The following FA2H variants were observed in gnomAD, a reference collection of about 807,000 sequenced individuals.
FA2H encodes the protein fatty acid alpha-hydroxylase.
A neutral mutation model predicts 44.9 loss-of-function variants in FA2H; 22 were observed. The ratio of observed to expected loss-of-function variants is 0.49; its 90% CI spans 0.35 to 0.70. The LOEUF (loss-of-function observed/expected upper bound fraction) is 0.70, where lower values mean the gene tolerates loss of function less well. Ranked by LOEUF, FA2H falls within the 30% of genes least tolerant of loss-of-function variation. The pLI, the probability that FA2H is intolerant of heterozygous loss-of-function variation, is 0.01. For synonymous variants in FA2H, 243 were observed against 213.2 expected, an observed-to-expected ratio of 1.14 and a Z score of -1.22; for missense variants, 501 against 504.9, an observed-to-expected ratio of 0.99 and a Z score of 0.07.
At chr16:74,763,533 CA>C (rs374311761) in intron 1 of FA2H, among the ~76,000 whole-genome samples, 134 of 152,342 alleles carry the variant, frequency 8.8e-4, no homozygotes, top group African/African-American at 2.9e-3. Flanking sequence ...GCCGGGATTA[CA>C]GGCGTGCGCC....
chr16:74,718,981 C>T lies in FA2H; in HGVS notation c.786+7G>A, dbSNP rs368669121. On this transcript the variant is annotated splice_region_variant and intron_variant, in intron 5 of 6. Coordinates refer to ENST00000219368, the MANE Select transcript of FA2H (RefSeq NM_024306.5). ...CTAGGTCCGGGCTGGGACCCCGCCC[C>T]GCTCACCTTGTGGTGCTGGCCGTGC... The T allele has an allele frequency of 6.5e-5, 105 of 1,613,220 alleles. No individual in the cohort carries two copies. In the South Asian group the frequency reaches 6.7e-4, roughly 10 times the overall value.
intron 5 of FA2H, among the ~76,000 whole-genome samples, 162 bp downstream of exon 5, chr16:74,718,826 G>A (rs902862903): frequency 5.9e-5 from 9 of 152,306 alleles, no homozygotes; most frequent in South Asian, 2.1e-4. Context: ...CTTAGGTTCG[G>A]ATGCCCAACC....
In FA2H at chr16:74,718,351, G is replaced by A. The variant is rs556067560; in HGVS notation, c.786+637C>T. ...ATGGGCCAAGGACAGCACAATGCAG[G>A]GACAGAGAAGCAGCGGGGGGTACAG... On this transcript the variant is annotated intron_variant, in intron 5 of 6. Coordinates refer to ENST00000219368, the MANE Select transcript of FA2H (RefSeq NM_024306.5). 1.4e-4 allele frequency among the ~76,000 whole-genome samples: 22 copies of A among 152,318 alleles called. No individual in the cohort carries two copies. In the East Asian group the frequency reaches 4.0e-3, roughly 28 times the overall value.
intron 4 of FA2H, among the ~76,000 whole-genome samples, chr16:74,721,575 G>T (rs1462384978): frequency 6.6e-6 from 1 of 152,176 alleles, no homozygotes; most frequent in African/African-American, 2.4e-5. Flanking sequence ...CCAAGCTGCT[G>T]AGCATGGAGA....
intron 1 of FA2H, among the ~76,000 whole-genome samples, chr16:74,765,134 A>T (rs1423630072): frequency 6.6e-6 from 1 of 151,174 alleles, no homozygotes; most frequent in Non-Finnish European, 1.5e-5. Flanking sequence ...TTTTAACAAG[A>T]CACAGAAAAG....
rs373971482 is a variant in FA2H, at chr16:74,735,463, C to T, written c.363+4560G>A. Among the ~76,000 whole-genome samples, 10 of 152,292 alleles carry T rather than the reference C, an allele frequency of 6.6e-5. No individual in the cohort carries two copies. In the South Asian group the frequency reaches 1.5e-3, roughly 22 times the overall value. ...GGGAGGTGGCCTCAGGCTCACCCCA[C>T]GAGGATTCAGGCAGCGGAGAGTGGA... On this transcript the variant is annotated intron_variant, in intron 2 of 6. Transcript: ENST00000219368.
intron 1 of FA2H, among the ~76,000 whole-genome samples, chr16:74,764,278 T>C (rs1429211479): frequency 4.6e-5 from 7 of 152,196 alleles, no homozygotes; most frequent in South Asian, 2.1e-4. Context: ...TGTATGTTCA[T>C]TGCAGCACTG....
chr16:74,718,143 G>A (rs778293305), intron 5 of FA2H, among the ~76,000 whole-genome samples: 5 of 152,166 alleles, frequency 3.3e-5, no homozygotes, highest in Admixed American at 1.3e-4. Context: ...ATCAAACCCC[G>A]AATCGGCTCA....
chr16:74,720,033 C>T (rs1476926623), intron 4 of FA2H, among the ~76,000 whole-genome samples: 1 of 152,076 alleles, frequency 6.6e-6, no homozygotes, highest in African/African-American at 2.4e-5. Context: ...AGACAGGGCA[C>T]CATCTTCAAG....
At chr16:74,720,651 G>T (rs528575079) in intron 4 of FA2H, among the ~76,000 whole-genome samples, 1 of 152,152 alleles carries the variant, frequency 6.6e-6, no homozygotes, top group East Asian at 1.9e-4. Flanking sequence ...CACTCACAAA[G>T]TTGTTAAACC....
chr16:74,737,632 A>G lies in FA2H; in HGVS notation c.363+2391T>C, dbSNP rs142814407. 4.6e-5 allele frequency among the ~76,000 whole-genome samples: 7 copies of G among 152,254 alleles called. No homozygotes were observed. The East Asian group carries it at 1.4e-3, about 29-fold the overall frequency. The stretch of plus-strand genomic sequence containing the variant: ...CTGTCCCCACCTTCTAGGGCCAGGG[A>G]AACTGGGCCCCGGGAGGCCAGGACT... On this transcript the variant is annotated intron_variant, in intron 2 of 6. Coordinates refer to ENST00000219368, the MANE Select transcript of FA2H (RefSeq NM_024306.5).
At chr16:74,745,331 G>T (rs747501882) in intron 1 of FA2H, among the ~76,000 whole-genome samples, 1 of 152,184 alleles carries the variant, frequency 6.6e-6, no homozygotes. Flanking sequence ...CCCAGCACAG[G>T]CTTGGCCCTG....
chr16:74,734,822 G>A (rs1962149819), intron 2 of FA2H, among the ~76,000 whole-genome samples: 1 of 152,242 alleles, frequency 6.6e-6, no homozygotes, highest in Admixed American at 6.5e-5. Flanking sequence ...CGGGGGCAGG[G>A]TAGCTGCTCA....
At chr16:74,726,026 G>T in intron 4 of FA2H, 199 bp downstream of exon 4, 1 of 576,074 alleles carries the variant, frequency 1.7e-6, no homozygotes. Context: ...GTGTTGTTGG[G>T]TTTTGTATCC....
At chr16:74,759,846 G>A (rs773859050) in intron 1 of FA2H, among the ~76,000 whole-genome samples, 1 of 152,174 alleles carries the variant, frequency 6.6e-6, no homozygotes, top group South Asian at 2.1e-4. Context: ...CCTCCTAGGG[G>A]TCCCCTCTTC....
chr16:74,764,141 G>C (rs1233970089), intron 1 of FA2H, among the ~76,000 whole-genome samples: 1 of 152,188 alleles, frequency 6.6e-6, no homozygotes, highest in Non-Finnish European at 1.5e-5. Context: ...CAGAGAGAAA[G>C]AGCAGGTGGG....
intron 2 of FA2H, among the ~76,000 whole-genome samples, chr16:74,728,902 C>T (rs1425219132): frequency 4.0e-4 from 60 of 150,442 alleles, no homozygotes; most frequent in Non-Finnish European, 6.1e-4. Flanking sequence ...CCTGCCTCAG[C>T]CTCCTGAGTA....
intron 2 of FA2H, among the ~76,000 whole-genome samples, chr16:74,739,160 G>A (rs1480669060): frequency 6.6e-6 from 1 of 152,206 alleles, no homozygotes; most frequent in Non-Finnish European, 1.5e-5. Flanking sequence ...TATGGCGGTG[G>A]TGGGGAGGGG....
chr16:74,769,202 C>G (rs1456877463), intron 1 of FA2H, among the ~76,000 whole-genome samples: 3 of 152,264 alleles, frequency 2.0e-5, no homozygotes, highest in Admixed American at 2.0e-4. Context: ...AGGTGATCCT[C>G]CCACCTCAGC....
Sources: allele counts gnomAD v4.1 joint callset (sites outside exome capture counted in the v4.1 genomes callset), GRCh38; gene constraint gnomAD v4.1.1; transcripts MANE v1.5; gene names NCBI Gene and HGNC (gene_info 2026-07-23, HGNC 2026-07-21).